Variants in OPHN1 observed in about 807,000 individuals in gnomAD.
OPHN1 encodes oligophrenin 1, also known as oligophrenin-1.
Under a neutral mutation model 60.7 loss-of-function variants are expected in OPHN1, and 11 were observed. The observed-to-expected ratio is 0.18, with a 90% CI of 0.11 to 0.30. The LOEUF (loss-of-function observed/expected upper bound fraction) is 0.30, where lower values mean the gene tolerates loss of function less well. OPHN1 is among the 10% of genes least tolerant of loss of function. OPHN1 has a pLI of 1.00. For missense variants in OPHN1, 449 were observed against 611.0 expected (o/e 0.73, Z 2.80); for synonymous variants, 226 against 222.6 (o/e 1.02, Z -0.14).
chrX:68,113,268 T>C (rs373540203), intron 16 of OPHN1, 29 bp from the exon 17 acceptor site: 5 of 1,159,449 alleles, frequency 4.3e-6, no homozygotes, highest in East Asian at 3.0e-5. Context: ...GTCAGTTGCT[T>C]TGGGAAGAAA....
intron 2 of OPHN1, among the ~76,000 whole-genome samples, chrX:68,330,500 G>A (rs1243967232): frequency 9.0e-6 from 1 of 111,217 alleles, no homozygotes; most frequent in Non-Finnish European, 1.9e-5. Context: ...GTCCTAGTGA[G>A]TATTATAAGT....
At chrX:68,343,462 G>A (rs1229402380) in intron 2 of OPHN1, among the ~76,000 whole-genome samples, 1 of 109,306 alleles carries the variant, frequency 9.1e-6, no homozygotes, top group African/African-American at 3.3e-5. Flanking sequence ...GTGCCTAGGT[G>A]ACAAAAGCAA....
chrX:68,132,259 T>C (rs912109858), intron 15 of OPHN1, among the ~76,000 whole-genome samples: 13 of 106,453 alleles, frequency 1.2e-4, no homozygotes, highest in African/African-American at 4.5e-4. Context: ...CGTATGTTTA[T>C]TGCGGCATTA....
intron 19 of OPHN1, among the ~76,000 whole-genome samples, chrX:68,096,467 G>A (rs1178178539): frequency 9.0e-6 from 1 of 111,359 alleles, no homozygotes; most frequent in East Asian, 2.8e-4. Flanking sequence ...TTTTGTTATA[G>A]GGATCTCAGC....
intron 5 of OPHN1, among the ~76,000 whole-genome samples, chrX:68,273,415 T>G (rs2077978631): frequency 8.9e-6 from 1 of 111,790 alleles, no homozygotes; most frequent in Admixed American, 9.6e-5. Flanking sequence ...GCTGAAAAGA[T>G]TAAAAATGAA....
intron 2 of OPHN1, among the ~76,000 whole-genome samples, chrX:68,341,366 C>T (rs2078350783): frequency 9.1e-6 from 1 of 109,726 alleles, no homozygotes; most frequent in Admixed American, 9.8e-5. Context: ...ATCAAACATC[C>T]AGATCTATAT....
chrX:68,079,558 G>T (rs1046084690), intron 19 of OPHN1, among the ~76,000 whole-genome samples: 9 of 111,745 alleles, frequency 8.1e-5, no homozygotes, highest in African/African-American at 2.9e-4. Flanking sequence ...GGCTCTCTCT[G>T]AAATTTAATG....
At chrX:68,342,558 C>T (rs1199875163) in intron 2 of OPHN1, among the ~76,000 whole-genome samples, 2 of 111,509 alleles carry the variant, frequency 1.8e-5, no homozygotes, top group East Asian at 2.8e-4. Context: ...TAAATGAATA[C>T]AAATATATAC....
At chrX:68,232,341 CAA>C (rs760719176) in intron 6 of OPHN1, among the ~76,000 whole-genome samples, 7 of 111,406 alleles carry the variant, frequency 6.3e-5, no homozygotes, top group Non-Finnish European at 1.1e-4. Flanking sequence ...GCCGACTGAG[CAA>C]AGAGAAAAGG....
rs905803424 is a variant in OPHN1, at chrX:68,095,203, A to C, written c.1686+1667T>G. 3.3e-4 allele frequency among the ~76,000 whole-genome samples: 37 copies of C among 111,846 alleles called. No homozygotes were observed. The Admixed American group carries it at 3.5e-3, about 11-fold the overall frequency. On this transcript the variant is annotated intron_variant, in intron 19 of 24. Transcript: ENST00000355520. The stretch of plus-strand genomic sequence containing the variant: ...AAACAGTACCTGGCATAAAGTGGGT[A>C]CTCGACACATATTTGTTGGATGAAT...
chrX:68,106,766 A>G (rs2077083603), intron 18 of OPHN1, among the ~76,000 whole-genome samples: 2 of 112,179 alleles, frequency 1.8e-5, no homozygotes, highest in South Asian at 7.5e-4. Flanking sequence ...AGATGTACTC[A>G]TCATATAGAT....
At chrX:68,381,357 T>C (rs914593882) in intron 2 of OPHN1, among the ~76,000 whole-genome samples, 1 of 111,666 alleles carries the variant, frequency 9.0e-6, no homozygotes, top group Admixed American at 9.5e-5. Flanking sequence ...AGGATAGGGA[T>C]TTTTTTGTAT....
intron 5 of OPHN1, among the ~76,000 whole-genome samples, chrX:68,259,863 T>C (rs2077884617): frequency 9.0e-6 from 1 of 111,660 alleles, no homozygotes; most frequent in African/African-American, 3.3e-5. Context: ...AAAGTCATCA[T>C]AGAGGAAGAA....
intron 2 of OPHN1, among the ~76,000 whole-genome samples, chrX:68,302,896 T>C (rs187892126): frequency 9.0e-6 from 1 of 111,265 alleles, no homozygotes; most frequent in East Asian, 2.8e-4. Context: ...TGCACTCCTG[T>C]CTAGGTGAGA....
intron 11 of OPHN1, among the ~76,000 whole-genome samples, chrX:68,198,546 G>C (rs111348022): frequency 0.016 from 1,760 of 111,635 alleles, 35 homozygotes; most frequent in African/African-American, 0.055. Context: ...AGATCTTTGT[G>C]ACTCATCTGG....
chrX:68,417,527 A>C (rs2078805452), intron 2 of OPHN1, among the ~76,000 whole-genome samples: 1 of 112,853 alleles, frequency 8.9e-6, no homozygotes, highest in African/African-American at 3.2e-5. Flanking sequence ...ACTTCAAAGT[A>C]AAAGATACCT....
At chrX:68,280,693 C>T (rs1026427562) in intron 4 of OPHN1, among the ~76,000 whole-genome samples, 5 of 111,643 alleles carry the variant, frequency 4.5e-5, no homozygotes, top group Admixed American at 2.9e-4. Flanking sequence ...TATTGATCAA[C>T]GCATACATTT....
At chrX:68,224,361 C>A (rs765871334) in intron 6 of OPHN1, among the ~76,000 whole-genome samples, 1 of 111,216 alleles carries the variant, frequency 9.0e-6, no homozygotes, top group African/African-American at 3.3e-5. Context: ...GAGTCAAAGA[C>A]GCAAAGAAAA....
At chrX:68,354,345 C>T (rs1387591581) in intron 2 of OPHN1, among the ~76,000 whole-genome samples, 1 of 100,764 alleles carries the variant, frequency 9.9e-6, no homozygotes, top group Admixed American at 1.1e-4. Flanking sequence ...CTCGGGAGAC[C>T]GAGACCGAGT....
Sources: allele counts gnomAD v4.1 joint callset (sites outside exome capture counted in the v4.1 genomes callset), GRCh38; gene constraint gnomAD v4.1.1; transcripts MANE v1.5; gene names NCBI Gene and HGNC (gene_info 2026-07-23, HGNC 2026-07-21).